The following ATP1A2 variants were observed in gnomAD, a reference collection of about 807,000 sequenced individuals.
The protein encoded by ATP1A2 is ATPase Na+/K+ transporting subunit alpha 2, also known as sodium/potassium-transporting ATPase subunit alpha-2.
In ATP1A2, 56 loss-of-function variants were observed where a neutral mutation model predicts 113.1. That is an observed-to-expected ratio of 0.49 (90% CI 0.40 to 0.62). The LOEUF is 0.62. Among genes scored for constraint, ATP1A2 ranks in the 20% least tolerant of loss-of-function variants. ATP1A2 has a pLI of 0.00. For synonymous variants in ATP1A2, 490 were observed against 526.8 expected (o/e 0.93, Z 0.96); for missense variants, 712 against 1,357.8 (o/e 0.52, Z 7.47).
rs1558011512 is a variant in ATP1A2, at chr1:160,142,560, C to T, written c.*1238C>T. ...GTGGCTCATGCCTGTAATCCCAGCA[C>T]TTTGGGAGGCCGAGGCAGGTGGATC... On this transcript the variant is annotated 3_prime_UTR_variant, in exon 23 of 23. Coordinates refer to ENST00000361216, the MANE Select transcript of ATP1A2 (RefSeq NM_000702.4). 1.3e-5 allele frequency: 2 copies of T among 152,348 alleles called. No homozygotes were observed. Among genetic ancestry groups the T allele is most frequent in the African/African-American group, 2.4e-5 (1 of 41,438 alleles). 9.4% of individuals were successfully genotyped at this position (152,348 alleles called of 1,614,324 possible). A position where few individuals can be genotyped will look rare whatever the true frequency, so the allele number is the denominator to read the frequency against.
intron 13 of ATP1A2, among the ~76,000 whole-genome samples, chr1:160,134,035 C>A (rs916421954): frequency 1.3e-5 from 2 of 151,690 alleles, no homozygotes; most frequent in Admixed American, 1.3e-4. Flanking sequence ...CACATACACA[C>A]ACATCCCACA....
intron 7 of ATP1A2, chr1:160,125,469 G>T (rs1462141006): frequency 3.5e-6 from 2 of 575,928 alleles, no homozygotes; most frequent in East Asian, 6.0e-5. Flanking sequence ...CCCTTCCCCA[G>T]GGAGATCTCT....
chr1:160,140,111 G>GGGGTCCC, intron 22 of ATP1A2, 127 bp downstream of exon 22: 1 of 973,846 alleles, frequency 1.0e-6, no homozygotes, highest in Non-Finnish European at 1.6e-6. Context: ...CTCAGATCCT[G>GGGGTCCC]GGGTCCCAGG....
At chr1:160,139,847 C>A (rs745619338) in intron 21 of ATP1A2, 46 bp from the exon 22 acceptor site, 12 of 1,611,662 alleles carry the variant, frequency 7.4e-6, no homozygotes, top group Non-Finnish European at 1.0e-5. Context: ...TGACAGCCAC[C>A]AAGCCAACCT....
rs1651669781 is a variant in ATP1A2, at chr1:160,128,866, A to T, written c.1216+16A>T. ...GATCAGTCTGGTGATTGGGTGCTCCAGAGGGGGTGGATAGGATTAGAGGAG... is the reference window on the plus strand; with the variant it reads ...GATCAGTCTGGTGATTGGGTGCTCCTGAGGGGGTGGATAGGATTAGAGGAG... On this transcript the variant is annotated intron_variant, in intron 9 of 22. Coordinates refer to ENST00000361216, the MANE Select transcript of ATP1A2 (RefSeq NM_000702.4). 1.2e-6 allele frequency: 2 copies of T among 1,613,928 alleles called. No homozygotes were observed. Among genetic ancestry groups the T allele is most frequent in the African/African-American group, 2.7e-5 (2 of 74,904 alleles).
At chr1:160,141,164 C>A in intron 22 of ATP1A2, 130 bp from the exon 23 acceptor site, 1 of 1,104,864 alleles carries the variant, frequency 9.1e-7, no homozygotes, top group Non-Finnish European at 1.4e-6. Flanking sequence ...CCTTCCTAAG[C>A]CACTTCCCCC....
chr1:160,128,609 G>T, intron 8 of ATP1A2, 43 bp from the exon 9 acceptor site: 5 of 1,613,916 alleles, frequency 3.1e-6, no homozygotes, highest in Non-Finnish European at 4.2e-6. Context: ...GGCCATCTCC[G>T]GCTTCAGCCT....
Position 160,141,613 on chromosome 1 carries a change from C to G in ATP1A2, c.*291C>G. 1 of 463,294 alleles carries G rather than the reference C, an allele frequency of 2.2e-6. No individual in the cohort carries two copies. The allele number at this position is 463,294 out of a possible 1,614,324, so 28.7% of individuals were successfully genotyped here. ...ATTTTTTCTGAGGAATTAAGGGTTA[C>G]CCCACCCTGCCCACTCCCATCCCTT... On this transcript the variant is annotated 3_prime_UTR_variant, in exon 23 of 23. Transcript: ENST00000361216.
rs757533595 is a variant in ATP1A2 at position 160,125,272 on chromosome 1, C to T, written c.748+19C>T. On this transcript the variant is annotated intron_variant, in intron 7 of 22. Transcript: ENST00000361216. ...GTTGAAGGTGAGAAGCCAGGCTGCCCCCTGTAGGAAAGAGTCTGAATCCTG... is the reference window on the plus strand; with the variant it reads ...GTTGAAGGTGAGAAGCCAGGCTGCCTCCTGTAGGAAAGAGTCTGAATCCTG... The T allele has an allele frequency of 6.3e-6, 10 of 1,595,734 alleles. No homozygotes were observed. The South Asian group carries it at 7.7e-5, about 12-fold the overall frequency.
chr1:160,139,573 G>A, intron 20 of ATP1A2, 67 bp from the exon 21 acceptor site: 6 of 1,412,830 alleles, frequency 4.2e-6, no homozygotes, highest in Non-Finnish European at 6.0e-6. Context: ...TTGCACCCCA[G>A]GGGTATCCCA....
At chr1:160,129,955 C>G (rs1279633781) in intron 11 of ATP1A2, 147 bp from the exon 12 acceptor site, 3 of 990,684 alleles carry the variant, frequency 3.0e-6, no homozygotes, top group Non-Finnish European at 4.6e-6. Context: ...GGTCTAAACA[C>G]CCCCCTGCAC....
chr1:160,126,760 C>T (rs1037394252), intron 7 of ATP1A2, among the ~76,000 whole-genome samples: 2 of 152,234 alleles, frequency 1.3e-5, no homozygotes, highest in South Asian at 2.1e-4. Flanking sequence ...CATGAGCCAC[C>T]GAGCCTGGCC....
intron 1 of ATP1A2, among the ~76,000 whole-genome samples, chr1:160,119,029 A>C (rs12723123): frequency 0.028 from 4,180 of 151,900 alleles, 84 homozygotes; most frequent in Non-Finnish European, 0.041. Flanking sequence ...AACTTAAACT[A>C]TGGGCTTTGG....
chr1:160,140,020 G>T (rs1558010403), intron 22 of ATP1A2, 36 bp downstream of exon 22: 1 of 1,597,946 alleles, frequency 6.3e-7, no homozygotes. Flanking sequence ...CAAAGTGCAA[G>T]CCCCACCACC....
intron 1 of ATP1A2, among the ~76,000 whole-genome samples, chr1:160,120,567 C>T (rs1247819471): frequency 6.6e-6 from 1 of 152,184 alleles, no homozygotes; most frequent in Non-Finnish European, 1.5e-5. Flanking sequence ...GTGTAGGATA[C>T]AGGTTTTCAA....
chr1:160,130,015 TA>T, intron 11 of ATP1A2, 86 bp from the exon 12 acceptor site: 1 of 1,538,576 alleles, frequency 6.5e-7, no homozygotes, highest in Non-Finnish European at 9.0e-7. Flanking sequence ...GCTACTTTTC[TA>T]AGGTGGTTTC....
chr1:160,126,966 C>T (rs1350642775), intron 7 of ATP1A2, among the ~76,000 whole-genome samples: 1 of 152,118 alleles, frequency 6.6e-6, no homozygotes, highest in Non-Finnish European at 1.5e-5. Context: ...AAAGCACAAT[C>T]TCATCTAAAT....
Position 160,128,997 on chromosome 1 carries a change from C to T in ATP1A2, c.1234C>T (p.Arg412Ter), listed in dbSNP as rs760155608. The T allele has an allele frequency of 3.1e-6, 5 of 1,606,010 alleles. No individual in the cohort carries two copies. The highest frequency in any genetic ancestry group is 1.3e-5 in the African/African-American group (1 of 74,724). Reference sequence around the variant, plus strand: ...CCTCCCAGGGGCCACTTTTGACAAACGATCCCCTACGTGGACGGCCCTGTC... The same window carrying T: ...CCTCCCAGGGGCCACTTTTGACAAATGATCCCCTACGTGGACGGCCCTGTC... ...EDQSGATFDK[R>*]SPTWTALSRI... is the part of the protein sequence containing the mutation. The change falls in exon 10 of 23, where the codon CGA (arginine) becomes TGA (stop). Residue 412 changes from arginine to a stop codon, truncating the protein, a stop_gained. Coordinates refer to ENST00000361216, the MANE Select transcript of ATP1A2 (RefSeq NM_000702.4). LOFTEE classifies it high-confidence loss of function.
In ATP1A2 at chr1:160,115,830, C is replaced by T; in HGVS notation, c.-32C>T. The stretch of plus-strand genomic sequence containing the variant: ...CTTGGGATCCTCCTGGTGACCTCTC[C>T]CGCTAAGGTCCCTCAGCCACTCTGC... On this transcript the variant is annotated 5_prime_UTR_variant, in exon 1 of 23. Transcript: ENST00000361216. 2 of 1,587,192 alleles carry T rather than the reference C, an allele frequency of 1.3e-6. No homozygotes were observed. The highest frequency in any genetic ancestry group is 1.7e-6 in the Non-Finnish European group (2 of 1,166,798).
Sources: allele counts gnomAD v4.1 joint callset (sites outside exome capture counted in the v4.1 genomes callset), GRCh38; gene constraint gnomAD v4.1.1; transcripts MANE v1.5; gene names NCBI Gene and HGNC (gene_info 2026-07-23, HGNC 2026-07-21).